Variants in MYH11 observed in about 807,000 individuals in gnomAD.
MYH11 encodes myosin-11.
A neutral mutation model predicts 246.6 loss-of-function variants in MYH11; 80 were observed. The observed-to-expected ratio is 0.32, with a 90% CI of 0.27 to 0.39. MYH11 has a LOEUF of 0.39. MYH11 is among the 10% of genes least tolerant of loss of function. The pLI is 1.00. For synonymous variants in MYH11, 1,071 were observed against 1,015.5 expected (o/e 1.05, Z -1.04); for missense variants, 2,158 against 2,546.8 (o/e 0.85, Z 3.29).
At position 15,732,603 on chromosome 16, in the gene MYH11, C is replaced by T. The variant is rs771698839; in HGVS notation, c.3612G>A (p.Ala1204=). 4.2e-5 allele frequency: 68 copies of T among 1,614,132 alleles called. No individual in the cohort carries two copies. The highest frequency in any genetic ancestry group is 9.3e-5 in the African/African-American group (7 of 74,944). Reference sequence around the variant, plus strand: ...CAAGCTGCTCTGTGAGCTCCTCCACCGCCTGTGCGTGTTTCTGCCTCATCT... The same window carrying T: ...CAAGCTGCTCTGTGAGCTCCTCCACTGCCTGTGCGTGTTTCTGCCTCATCT... ...VQEMRQKHAQ[A]VEELTEQLEQ... Residue 1204 remains alanine, a synonymous_variant, in exon 27 of 41, where the codon GCG becomes GCA. Coordinates refer to ENST00000300036, the MANE Select transcript of MYH11 (RefSeq NM_002474.3).
chr16:15,760,437 G>A (rs573748137), intron 11 of MYH11, 103 bp downstream of exon 11: 1 of 927,244 alleles, frequency 1.1e-6, no homozygotes, highest in African/African-American at 1.6e-5. Flanking sequence ...CAGACCATGG[G>A]TGAATGGATT....
At chr16:15,781,857 A>C (rs1283403454) in intron 6 of MYH11, among the ~76,000 whole-genome samples, 1 of 152,008 alleles carries the variant, frequency 6.6e-6, no homozygotes, top group African/African-American at 2.4e-5. Context: ...ATGAGAAAAA[A>C]ACAAAGAGAA....
intron 12 of MYH11, 108 bp downstream of exon 12, chr16:15,759,468 C>T: frequency 7.1e-7 from 1 of 1,418,406 alleles, no homozygotes; most frequent in Non-Finnish European, 1.0e-6. Context: ...CAGCCTCCTA[C>T]CCTACAGTAG....
chr16:15,856,722 C>T (rs1451593645), intron 1 of MYH11, among the ~76,000 whole-genome samples: 2 of 151,840 alleles, frequency 1.3e-5, no homozygotes, highest in Non-Finnish European at 1.5e-5. Flanking sequence ...TGGTACTTCT[C>T]ACTGGCAATC....
chr16:15,743,623 C>T (rs2041337202), intron 20 of MYH11, among the ~76,000 whole-genome samples: 1 of 152,232 alleles, frequency 6.6e-6, no homozygotes, highest in Admixed American at 6.5e-5. Context: ...TGTACTCCAG[C>T]AGCTTGCTTC....
At chr16:15,839,567 A>G (rs2043997851) in intron 1 of MYH11, among the ~76,000 whole-genome samples, 1 of 151,796 alleles carries the variant, frequency 6.6e-6, no homozygotes, top group Non-Finnish European at 1.5e-5. Flanking sequence ...GGTGGCACAC[A>G]CCTGTAGTCC....
chr16:15,717,077 A>G (rs1200231789), intron 38 of MYH11, 63 bp downstream of exon 38: 3 of 1,556,984 alleles, frequency 1.9e-6, no homozygotes, highest in Non-Finnish European at 2.7e-6. Flanking sequence ...CCCTGACTTC[A>G]CTATGACTCC....
chr16:15,726,925 C>T lies in MYH11; in HGVS notation c.3781G>A (p.Val1261Met), dbSNP rs1057518389. 6 of 1,613,024 alleles carry T rather than the reference C, an allele frequency of 3.7e-6. No homozygotes were observed. The Admixed American group carries it at 8.3e-5, about 22-fold the overall frequency. Residue 1261 changes from valine (V) to methionine (M), a missense_variant, in exon 28 of 41, where the codon GTG becomes ATG. By Grantham distance (21) the Val-to-Met change is conservative. Around this residue, in one of 11 missense-constraint regions of MYH11, gnomAD observed 1,013 missense variants for 993.5 expected, o/e 1.02. Coordinates refer to ENST00000300036, the MANE Select transcript of MYH11 (RefSeq NM_002474.3). ...EHKKKKLEAQ[V>M]QELQSKCSDG... ...CTGCACTTGGACTGCAGCTCCTGCA[C>T]CTGCGCCTCCAGCTTCTTCTTCTTA... is the stretch of plus-strand genomic sequence containing the variant.
At chr16:15,769,770 C>T (rs577351277) in intron 9 of MYH11, among the ~76,000 whole-genome samples, 1 of 152,280 alleles carries the variant, frequency 6.6e-6, no homozygotes, top group East Asian at 1.9e-4. Flanking sequence ...CAAGGACAGA[C>T]AATGATTTAA....
intron 12 of MYH11, among the ~76,000 whole-genome samples, chr16:15,759,375 C>A (rs1409188044): frequency 1.3e-5 from 2 of 152,056 alleles, no homozygotes; most frequent in East Asian, 3.9e-4. Context: ...AGCTACATGT[C>A]TGGCCTTCTC....
At chr16:15,736,826 T>C (rs2151242994) in intron 25 of MYH11, among the ~76,000 whole-genome samples, 1 of 152,194 alleles carries the variant, frequency 6.6e-6, no homozygotes, top group Admixed American at 6.5e-5. Flanking sequence ...TCTGCAAAGG[T>C]ATTGCTTGAA....
chr16:15,706,588 T>C (rs1445479010), intron 40 of MYH11, among the ~76,000 whole-genome samples: 1 of 151,774 alleles, frequency 6.6e-6, no homozygotes, highest in Non-Finnish European at 1.5e-5. Flanking sequence ...GCGCCTGGAA[T>C]CCCAGTCACT....
At chr16:15,805,790 C>T (rs1476883774) in intron 3 of MYH11, among the ~76,000 whole-genome samples, 1 of 152,088 alleles carries the variant, frequency 6.6e-6, no homozygotes, top group Admixed American at 6.6e-5. Context: ...TGGCACAATC[C>T]CTGTGGTCTC....
chr16:15,760,836 C>T (rs750946841), intron 10 of MYH11, among the ~76,000 whole-genome samples, 178 bp from the exon 11 acceptor site: 50 of 152,194 alleles, frequency 3.3e-4, no homozygotes, highest in Non-Finnish European at 5.3e-4. Context: ...AGTGGTCACA[C>T]TCCCCAGTAT....
rs1169268575 is a variant in MYH11 at position 15,751,136 on chromosome 16, T to C, written c.1865-805A>G. 2.0e-5 allele frequency among the ~76,000 whole-genome samples: 3 copies of C among 148,404 alleles called. No homozygotes were observed. In the East Asian group the frequency reaches 5.9e-4, roughly 29 times the overall value. Reference sequence around the variant, plus strand: ...AAAGTAGGTATTATTATTATTATTATTATTATTATTATTATTATTATTATC... The same window carrying C: ...AAAGTAGGTATTATTATTATTATTACTATTATTATTATTATTATTATTATC... On this transcript the variant is annotated intron_variant, in intron 15 of 40. Coordinates refer to ENST00000300036, the MANE Select transcript of MYH11 (RefSeq NM_002474.3).
At chr16:15,752,477 G>A (rs1285997684) in intron 15 of MYH11, among the ~76,000 whole-genome samples, 3 of 152,078 alleles carry the variant, frequency 2.0e-5, no homozygotes, top group Admixed American at 6.5e-5. Flanking sequence ...GTGGTCCCTA[G>A]ACCAGCAGCA....
At chr16:15,853,481 A>G (rs1450980530) in intron 1 of MYH11, among the ~76,000 whole-genome samples, 1 of 152,000 alleles carries the variant, frequency 6.6e-6, no homozygotes, top group East Asian at 1.9e-4. Flanking sequence ...AACTTTGATG[A>G]GGTTGTTCCT....
chr16:15,728,192 G>T (rs1292871956), intron 27 of MYH11, among the ~76,000 whole-genome samples: 1 of 152,152 alleles, frequency 6.6e-6, no homozygotes, highest in Non-Finnish European at 1.5e-5. Flanking sequence ...TCATGCCACT[G>T]CATTCCAGCC....
chr16:15,808,193 G>A (rs1208796418), intron 3 of MYH11, among the ~76,000 whole-genome samples: 1 of 152,216 alleles, frequency 6.6e-6, no homozygotes. Flanking sequence ...ATCTTCTGTG[G>A]TGTGACTGTG....
Sources: gnomAD v4.1 joint callset for allele counts (sites outside exome capture counted in the v4.1 genomes callset) on GRCh38, gnomAD v4.1.1 for gene constraint, gnomAD v4.1.1 regional missense constraint, MANE v1.5 for transcripts, NCBI Gene and HGNC (gene_info 2026-07-23, HGNC 2026-07-21) for gene names.